The following SLC13A2 variants were observed in gnomAD, a reference collection of about 807,000 sequenced individuals.
The protein encoded by SLC13A2 is solute carrier family 13 member 2.
In SLC13A2, 40 loss-of-function variants were observed where a neutral mutation model predicts 58.5. The ratio of observed to expected loss-of-function variants is 0.68; its 90% confidence interval spans 0.53 to 0.89. The LOEUF (loss-of-function observed/expected upper bound fraction) is 0.89. Ranked by LOEUF, SLC13A2 falls within the 40% of genes least tolerant of loss-of-function variation. SLC13A2 has a pLI of 0.00. For missense variants in SLC13A2, 694 were observed against 772.6 expected (o/e 0.90, Z 1.21); for synonymous variants, 341 against 331.6 (o/e 1.03, Z -0.31).
chr17:28,487,521 T>C, intron 1 of SLC13A2: 1 of 985,308 alleles, frequency 1.0e-6, no homozygotes, highest in African/African-American at 1.7e-5. Context: ...CTCCAATACT[T>C]ATACAGAAAC....
At position 28,496,903 on chromosome 17, in the gene SLC13A2, C is replaced by T. The variant is rs1289496337; in HGVS notation, c.1609-196C>T. 2.0e-5 allele frequency among the ~76,000 whole-genome samples: 3 copies of T among 152,052 alleles called. No individual in the cohort carries two copies. Among genetic ancestry groups the T allele is most frequent in the African/African-American group, 7.2e-5 (3 of 41,434 alleles). On this transcript the variant is annotated intron_variant, in intron 11 of 11. Coordinates refer to ENST00000314669, the MANE Select transcript of SLC13A2 (RefSeq NM_003984.4). The surrounding 1 kb of genome is among the most constrained non-coding windows in gnomAD (Gnocchi z 4.2). ...CAGGGCCCTGGAAGCTCAGGAGGAG[C>T]GCCCCTTTCCCCTGTTAGCACAGGG...
intron 6 of SLC13A2, among the ~76,000 whole-genome samples, chr17:28,493,235 G>C (rs2069063201): frequency 6.6e-6 from 1 of 152,162 alleles, no homozygotes; most frequent in South Asian, 2.1e-4. Context: ...CCCGAAGGCT[G>C]TTGGAGGAGA....
intron 1 of SLC13A2, among the ~76,000 whole-genome samples, chr17:28,487,726 G>A (rs1365308446): frequency 2.6e-5 from 4 of 152,194 alleles, no homozygotes; most frequent in Admixed American, 1.3e-4. Context: ...TGCTGGGGGA[G>A]GAGGGGGCTG....
chr17:28,494,118 A>T lies in SLC13A2; in HGVS notation c.1186+13A>T. 6.2e-7 allele frequency: 1 copy of T among 1,610,466 alleles called. No homozygotes were observed. Among genetic ancestry groups the T allele is most frequent in the African/African-American group, 1.3e-5 (1 of 74,974 alleles). ...ACCCAGGACCCAGGTAAGCACCTGGACTGGGGCAGGGAAGGGTCTCCGGGC... is the reference window on the plus strand; with the variant it reads ...ACCCAGGACCCAGGTAAGCACCTGGTCTGGGGCAGGGAAGGGTCTCCGGGC... On this transcript the variant is annotated intron_variant, in intron 8 of 11. Coordinates refer to ENST00000314669, the MANE Select transcript of SLC13A2 (RefSeq NM_003984.4). This position sits in a 1 kb window ranked among gnomAD's most constrained non-coding sequence, Gnocchi z 4.0.
In SLC13A2 at chr17:28,473,702, T is replaced by G; in HGVS notation, c.-11T>G. On this transcript the variant is annotated 5_prime_UTR_variant, in exon 1 of 12. Coordinates refer to ENST00000314669, the MANE Select transcript of SLC13A2 (RefSeq NM_003984.4). ...AGGCAGTGGCTGTAGCAGCCCTTGC[T>G]GCTCCACACCATGGCCACCTGCTGG... is the stretch of plus-strand genomic sequence containing the variant. The G allele has an allele frequency of 6.2e-7, 1 of 1,611,920 alleles. No homozygotes were observed. The highest frequency in any genetic ancestry group is 1.1e-5 in the South Asian group (1 of 90,926).
rs1309815729 is a variant in SLC13A2, at chr17:28,492,738, T to A, written c.879-833T>A. Among the ~76,000 whole-genome samples the A allele has an allele frequency of 3.9e-5, 6 of 152,358 alleles. No individual in the cohort carries two copies. The East Asian group carries it at 1.2e-3, about 29-fold the overall frequency. ...GTTGGAAAATCATAGGAGACCCTGC[T>A]AAGGCTCAGTTAGTATCAAGTCTGT... On this transcript the variant is annotated intron_variant, in intron 6 of 11. Transcript: ENST00000314669.
chr17:28,474,841 G>T (rs1363236316), intron 1 of SLC13A2, among the ~76,000 whole-genome samples: 1 of 152,072 alleles, frequency 6.6e-6, no homozygotes, highest in Non-Finnish European at 1.5e-5. Flanking sequence ...GCTGCCTCCT[G>T]CCCCACCCCA....
At chr17:28,478,494 C>T (rs939004351) in intron 1 of SLC13A2, among the ~76,000 whole-genome samples, 18 of 152,180 alleles carry the variant, frequency 1.2e-4, no homozygotes, top group African/African-American at 3.6e-4. Flanking sequence ...CCAACTGAGT[C>T]AAGGGAGAAT....
chr17:28,486,780 G>A (rs979729604), intron 1 of SLC13A2, among the ~76,000 whole-genome samples: 1 of 149,796 alleles, frequency 6.7e-6, no homozygotes, highest in African/African-American at 2.5e-5. Flanking sequence ...AACACATGGA[G>A]GCGAGTCTGA....
intron 1 of SLC13A2, chr17:28,487,582 C>T: frequency 5.1e-6 from 5 of 985,440 alleles, no homozygotes; most frequent in Non-Finnish European, 6.0e-6. Flanking sequence ...CTCCTTGTCT[C>T]TGGCCAGAGA....
chr17:28,483,033 C>T (rs1421506066), intron 1 of SLC13A2, among the ~76,000 whole-genome samples: 1 of 152,252 alleles, frequency 6.6e-6, no homozygotes, highest in Non-Finnish European at 1.5e-5. Flanking sequence ...ATGTGCCAGC[C>T]TGTCCCCACC....
At position 28,490,840 on chromosome 17, in the gene SLC13A2, G is replaced by A. The variant is rs782690089; in HGVS notation, c.508G>A (p.Glu170Lys). 3.1e-6 allele frequency: 5 copies of A among 1,613,960 alleles called. No homozygotes were observed. In the Admixed American group the frequency reaches 8.3e-5, roughly 27 times the overall value. Residue 170 changes from glutamate (E) to lysine (K), a missense_variant, in exon 4 of 12, where the codon GAG becomes AAG. Coordinates refer to ENST00000314669, the MANE Select transcript of SLC13A2 (RefSeq NM_003984.4). ...CTCGCAAGCCAGCAGCAACGTCGAG[G>A]AGGGCAGCAACAACCCCACCTTCGA... ...HSSQASSNVE[E>K]GSNNPTFELQ...
At chr17:28,476,559 C>T (rs782615087) in intron 1 of SLC13A2, among the ~76,000 whole-genome samples, 1 of 152,096 alleles carries the variant, frequency 6.6e-6, no homozygotes, top group African/African-American at 2.4e-5. Context: ...CTCCCCCACC[C>T]TCACCAGCTT....
Position 28,491,849 on chromosome 17 carries a change from T to C in SLC13A2, c.875T>C (p.Phe292Ser). ...TGGCTGCAGATCCTCTTCCTGGGCT[T>C]CAAGTAAGTGGCAAAGTTGGTGAGA... The part of the protein sequence containing the change: ...WLWLQILFLG[F>S]NFRKNFGIGE... The change falls in exon 6 of 12, where the codon TTC becomes TCC. Residue 292 changes from phenylalanine to serine, a missense_variant. By Grantham distance (155) the Phe-to-Ser change is radical. Transcript: ENST00000314669. 6.2e-7 allele frequency: 1 copy of C among 1,613,838 alleles called. No homozygotes were observed. Among genetic ancestry groups the C allele is most frequent in the Non-Finnish European group, 8.5e-7 (1 of 1,179,782 alleles).
intron 3 of SLC13A2, 25 bp downstream of exon 3, chr17:28,490,615 C>T (rs782029923): frequency 2.3e-5 from 36 of 1,589,732 alleles, no homozygotes; most frequent in African/African-American, 2.1e-4. Flanking sequence ...CAAACCAGCA[C>T]GGGAGAACCT....
chr17:28,495,633 T>C, intron 9 of SLC13A2, 22 bp from the exon 10 acceptor site: 1 of 1,600,614 alleles, frequency 6.2e-7, no homozygotes, highest in Non-Finnish European at 8.5e-7. Context: ...GCCTCTCACA[T>C]GCCATCCTCC....
At chr17:28,492,047 G>A (rs1990287) in intron 6 of SLC13A2, among the ~76,000 whole-genome samples, 195 bp downstream of exon 6, 30,253 of 152,048 alleles carry the variant, frequency 0.2, 3,225 homozygotes, top group Middle Eastern at 0.27. Context: ...TTTCACAGAT[G>A]CGCAAATTGA....
intron 6 of SLC13A2, 110 bp downstream of exon 6, chr17:28,491,962 C>A: frequency 6.9e-7 from 1 of 1,442,780 alleles, no homozygotes; most frequent in Non-Finnish European, 9.3e-7. Context: ...AATGAGAAGG[C>A]TTCTCCCTCC....
At chr17:28,490,169 G>A (rs544268096) in intron 2 of SLC13A2, 311 of 763,580 alleles carry the variant, frequency 4.1e-4, no homozygotes, top group Non-Finnish European at 6.0e-4. Flanking sequence ...AGCTACTTGG[G>A]AGGCTGAGGT....
Sources: gnomAD v4.1 joint callset for allele counts (sites outside exome capture counted in the v4.1 genomes callset) on GRCh38, gnomAD v4.1.1 for gene constraint, Gnocchi (gnomAD v3.1) non-coding constraint, MANE v1.5 for transcripts, NCBI Gene and HGNC (gene_info 2026-07-23, HGNC 2026-07-21) for gene names.